IGF1R: variants seen among roughly 807,000 people sequenced by gnomAD.
IGF1R encodes the protein insulin like growth factor 1 receptor.
Under a neutral mutation model 144.6 loss-of-function variants are expected in IGF1R, and 44 were observed. The ratio of observed to expected loss-of-function variants is 0.30; its 90% CI spans 0.24 to 0.39. The LOEUF (loss-of-function observed/expected upper bound fraction) is 0.39, where lower values mean the gene tolerates loss of function less well. Among genes scored for constraint, IGF1R ranks in the 10% least tolerant of loss-of-function variants. The pLI is 1.00. For synonymous variants in IGF1R, 795 were observed against 722.8 expected (o/e 1.10, Z -1.60); for missense variants, 1,355 against 1,833.7 (o/e 0.74, Z 4.77).
Position 98,776,407 on chromosome 15 carries a change from A to G in IGF1R, c.640+68300A>G, listed in dbSNP as rs897372809. 3.9e-5 allele frequency among the ~76,000 whole-genome samples: 6 copies of G among 152,116 alleles called. No homozygotes were observed. The East Asian group carries it at 1.2e-3, about 29-fold the overall frequency. ...TGCCATGTTGGCCAGACTGGTCTTG[A>G]ACTCCTGACCTCAGATGATCCACGC... is the stretch of plus-strand genomic sequence containing the variant. On this transcript the variant is annotated intron_variant, in intron 2 of 20. Transcript: ENST00000650285.
Position 98,958,468 on chromosome 15 carries a change from T to TG in IGF1R, c.*1027dup, listed in dbSNP as rs2017101042. Reference sequence around the variant, plus strand: ...GGGGTTTCCAGGGACTCAGCCCCACTGTTGATGCAGGTTTGCAAGGAAAGA... The same window carrying TG: ...GGGGTTTCCAGGGACTCAGCCCCACTGGTTGATGCAGGTTTGCAAGGAAAGA... On this transcript the variant is annotated 3_prime_UTR_variant, in exon 21 of 21. Transcript: ENST00000650285. 6.2e-6 allele frequency: 1 copy of TG among 160,690 alleles called. No homozygotes were observed. The highest frequency in any genetic ancestry group is 1.5e-4 in the East Asian group (1 of 6,848). 10.0% of individuals were successfully genotyped at this position (160,690 alleles called of 1,614,324 possible). A position where few individuals can be genotyped will look rare whatever the true frequency, so the allele number is the denominator to read the frequency against.
At chr15:98,817,717 A>G (rs939982973) in intron 2 of IGF1R, among the ~76,000 whole-genome samples, 1 of 152,198 alleles carries the variant, frequency 6.6e-6, no homozygotes, top group Non-Finnish European at 1.5e-5. Context: ...TGGCTTAAAC[A>G]ATAGACATTG....
At chr15:98,706,652 G>C (rs1371301592) in intron 1 of IGF1R, among the ~76,000 whole-genome samples, 1 of 151,762 alleles carries the variant, frequency 6.6e-6, no homozygotes, top group Non-Finnish European at 1.5e-5. Flanking sequence ...CCCTTAAAAT[G>C]GTGATGTAGA....
chr15:98,716,631 T>C (rs907811), intron 2 of IGF1R, among the ~76,000 whole-genome samples: 146,586 of 152,294 alleles, frequency 0.96, 70,692 homozygotes, highest in Non-Finnish European at 0.98. Flanking sequence ...TAGCTCACTG[T>C]AGAGCCCTGG....
intron 2 of IGF1R, among the ~76,000 whole-genome samples, chr15:98,720,841 C>A (rs898294906): frequency 1.3e-5 from 2 of 152,154 alleles, no homozygotes; most frequent in African/African-American, 4.8e-5. Flanking sequence ...TTAAGTCATT[C>A]TTTTCCACTA....
Position 98,649,520 on chromosome 15 carries a change from CTTTTCTTTTT to C in IGF1R, c.-57_-48del, listed in dbSNP as rs1272065210. 189 of 858,052 alleles carry C rather than the reference CTTTTCTTTTT, an allele frequency of 2.2e-4. No individual in the cohort carries two copies. The highest frequency in any genetic ancestry group is 3.2e-4 in the Admixed American group (12 of 37,172). 53.2% of individuals were successfully genotyped at this position (858,052 alleles called of 1,614,324 possible). On this transcript the variant is annotated 5_prime_UTR_variant, in exon 1 of 21. Transcript: ENST00000650285. The stretch of plus-strand genomic sequence containing the variant: ...TCCTTTCATTTCCTTTTTTTCTTTT[CTTTTCTTTTT>C]TTTTTTTTTTTTTTTTTTTGAGAAA...
chr15:98,733,777 T>C (rs961896367), intron 2 of IGF1R, among the ~76,000 whole-genome samples: 1 of 152,182 alleles, frequency 6.6e-6, no homozygotes, highest in Non-Finnish European at 1.5e-5. Flanking sequence ...AATCACATGC[T>C]TGGGATCCCA....
At chr15:98,685,746 G>A (rs569360938) in intron 1 of IGF1R, among the ~76,000 whole-genome samples, 8 of 152,322 alleles carry the variant, frequency 5.3e-5, no homozygotes, top group East Asian at 1.9e-4. Context: ...CAGGTCTAGC[G>A]GCAGGTCCCA....
chr15:98,778,193 A>G (rs934399787), intron 2 of IGF1R, among the ~76,000 whole-genome samples: 3 of 152,176 alleles, frequency 2.0e-5, no homozygotes, highest in Admixed American at 2.0e-4. Flanking sequence ...TTCACAGAAG[A>G]TGCAAAGCCT....
At chr15:98,870,881 A>G (rs961862108) in intron 2 of IGF1R, among the ~76,000 whole-genome samples, 2 of 152,318 alleles carry the variant, frequency 1.3e-5, no homozygotes. Context: ...GAGTGAAGGA[A>G]TGTTCCCATG....
intron 13 of IGF1R, among the ~76,000 whole-genome samples, chr15:98,925,920 AAC>A (rs1555462480): frequency 6.6e-6 from 1 of 152,056 alleles, no homozygotes; most frequent in Non-Finnish European, 1.5e-5. Context: ...AAGGAAAAAA[AAC>A]AAAAAACAGC....
intron 2 of IGF1R, among the ~76,000 whole-genome samples, chr15:98,835,431 CTT>C (rs1331293727): frequency 2.0e-5 from 3 of 152,204 alleles, no homozygotes; most frequent in Non-Finnish European, 2.9e-5. Flanking sequence ...AGGAGAGTGA[CTT>C]TAATCGTGGC....
At chr15:98,705,594 A>G (rs1039715674) in intron 1 of IGF1R, among the ~76,000 whole-genome samples, 1 of 152,312 alleles carries the variant, frequency 6.6e-6, no homozygotes, top group Admixed American at 6.5e-5. Context: ...GAAGTTTCAC[A>G]TTCTAAGTTC....
At chr15:98,852,577 C>G (rs2011581713) in intron 2 of IGF1R, among the ~76,000 whole-genome samples, 2 of 152,094 alleles carry the variant, frequency 1.3e-5, no homozygotes, top group Admixed American at 1.3e-4. Flanking sequence ...GAGGAGTAAC[C>G]TTCCCCATAA....
At chr15:98,857,910 G>A (rs554495578) in intron 2 of IGF1R, among the ~76,000 whole-genome samples, 23 of 152,122 alleles carry the variant, frequency 1.5e-4, no homozygotes, top group Non-Finnish European at 2.9e-4. Context: ...TGGTATGCAC[G>A]TTTTAAAAAA....
In IGF1R at chr15:98,922,232, C is replaced by T; in HGVS notation, c.2286C>T (p.Thr762=). 2.5e-6 allele frequency: 4 copies of T among 1,614,212 alleles called. No individual in the cohort carries two copies. The highest frequency in any genetic ancestry group is 3.4e-6 in the Non-Finnish European group (4 of 1,180,032). The change falls in exon 11 of 21, where the codon ACC becomes ACT. Residue 762 remains threonine (T), a synonymous_variant. Transcript: ENST00000650285. ...SRSRNTTAAD[T]YNITDPEELE... is the part of the protein sequence containing the mutation. The stretch of plus-strand genomic sequence containing the variant: ...GCAGGAACACCACGGCCGCAGACAC[C>T]TACAACATCACCGACCCGGAAGAGC...
intron 8 of IGF1R, among the ~76,000 whole-genome samples, chr15:98,915,423 C>T (rs186389739): frequency 1.1e-3 from 172 of 152,282 alleles, no homozygotes; most frequent in African/African-American, 4.0e-3. Context: ...TTGCCTCTCC[C>T]CCATCCCTCT....
At position 98,887,217 on chromosome 15, in the gene IGF1R, A is replaced by T. The variant is rs183739058; in HGVS notation, c.641-4108A>T. ...TGTGTATCGGTTGTGGCACGGACTG[A>T]CTGACTGGATGGTATAATTTCACTC... On this transcript the variant is annotated intron_variant, in intron 2 of 20. Transcript: ENST00000650285. 5.8e-3 allele frequency among the ~76,000 whole-genome samples: 886 copies of T among 151,978 alleles called. 5 individuals are homozygous for T. The highest frequency in any genetic ancestry group is 0.025 in the South Asian group (118 of 4,798).
intron 1 of IGF1R, among the ~76,000 whole-genome samples, chr15:98,671,180 C>A (rs1462630198): frequency 6.6e-6 from 1 of 152,216 alleles, no homozygotes; most frequent in African/African-American, 2.4e-5. Context: ...TGTCTGAAAG[C>A]ATTCATGCAG....
Sources: gnomAD v4.1 joint callset for allele counts (sites outside exome capture counted in the v4.1 genomes callset) on GRCh38, gnomAD v4.1.1 for gene constraint, MANE v1.5 for transcripts, NCBI Gene and HGNC (gene_info 2026-07-23, HGNC 2026-07-21) for gene names.